The following SPOCD1 variants were observed in gnomAD, a reference collection of about 807,000 sequenced individuals.
The protein encoded by SPOCD1 is SPOC domain containing 1, also known as SPOC domain-containing protein 1.
SPOCD1 carries 64 observed loss-of-function variants against 92.2 expected under a neutral mutation model. The ratio of observed to expected loss-of-function variants is 0.69; its 90% confidence interval spans 0.57 to 0.86. The LOEUF (loss-of-function observed/expected upper bound fraction) is 0.86. Among genes scored for constraint, SPOCD1 ranks in the 40% least tolerant of loss-of-function variants. The pLI is 0.00. For missense variants in SPOCD1, 1,360 were observed against 1,543.1 expected (o/e 0.88, Z 1.99); for synonymous variants, 578 against 619.3 (o/e 0.93, Z 0.99).
intron 3 of SPOCD1, among the ~76,000 whole-genome samples, chr1:31,801,373 G>A (rs1648454146): frequency 6.6e-6 from 1 of 152,170 alleles, no homozygotes; most frequent in Non-Finnish European, 1.5e-5. Flanking sequence ...CATTTTAAGT[G>A]TGTTTCAATT....
intron 2 of SPOCD1, among the ~76,000 whole-genome samples, chr1:31,813,107 G>C (rs1488522060): frequency 1.3e-5 from 2 of 152,182 alleles, no homozygotes; most frequent in African/African-American, 4.8e-5. Context: ...CCAGCTATGT[G>C]AGCCTGGAGA....
chr1:31,791,217 C>T lies in SPOCD1; in HGVS notation c.3037G>A (p.Val1013Met). The T allele has an allele frequency of 6.2e-7, 1 of 1,602,466 alleles. No individual in the cohort carries two copies. Among genetic ancestry groups the T allele is most frequent in the Non-Finnish European group, 8.5e-7 (1 of 1,173,480 alleles). Residue 1013 changes from valine (V) to methionine (M), a missense_variant, in exon 16 of 16, where the codon GTG (valine) becomes ATG (methionine). This residue lies in a region of SPOCD1 where 614 missense variants were observed against 757.8 expected (regional missense o/e 0.81). Coordinates refer to ENST00000360482, the MANE Select transcript of SPOCD1 (RefSeq NM_144569.7). ...GGAAGCCCTTCCTTGGGGAGCAGCA[C>T]AGCCAGCAACAGACTTGAGTGAGTG... Reference protein sequence around the residue: ...EVTHSSLLLAVLLPKEGLPDT... With the variant: ...EVTHSSLLLAMLLPKEGLPDT...
intron 2 of SPOCD1, among the ~76,000 whole-genome samples, chr1:31,812,548 G>A (rs1649272485): frequency 6.6e-6 from 1 of 152,212 alleles, no homozygotes; most frequent in South Asian, 2.1e-4. Flanking sequence ...GATGCATAGT[G>A]GAAAACAGCT....
chr1:31,808,137 T>G (rs1648961242), intron 2 of SPOCD1, among the ~76,000 whole-genome samples: 1 of 152,136 alleles, frequency 6.6e-6, no homozygotes, highest in African/African-American at 2.4e-5. Flanking sequence ...CCACAATTCA[T>G]TCTATGAAGC....
intron 2 of SPOCD1, among the ~76,000 whole-genome samples, chr1:31,803,878 A>G (rs1648641053): frequency 6.6e-6 from 1 of 151,680 alleles, no homozygotes; most frequent in Non-Finnish European, 1.5e-5. Context: ...AGAAGGAAGG[A>G]AGGAAGAAAG....
intron 2 of SPOCD1, among the ~76,000 whole-genome samples, chr1:31,807,520 T>C (rs531767789): frequency 2.0e-4 from 30 of 149,602 alleles, no homozygotes; most frequent in Admixed American, 4.0e-4. Context: ...ATGATAAGAC[T>C]GTATGTTAAG....
chr1:31,790,841 T>C lies in SPOCD1; in HGVS notation c.3413A>G (p.His1138Arg). 2 of 1,540,712 alleles carry C rather than the reference T, an allele frequency of 1.3e-6. No homozygotes were observed. Among genetic ancestry groups the C allele is most frequent in the East Asian group, 4.7e-5 (2 of 42,268 alleles). Residue 1138 changes from histidine to arginine, a missense_variant, in exon 16 of 16, where the codon CAC becomes CGC. His to Arg is a conservative substitution (Grantham distance 29, BLOSUM62 0). This residue lies in a region of SPOCD1 where 614 missense variants were observed against 757.8 expected (regional missense o/e 0.81). Transcript: ENST00000360482. ...GTGGGGACAGGAGTCCCTGTGGAAG[T>C]GCTGGCCACGGCCAAAGCCATGACC... ...PAGHGFGRGQ[H>R]FHRDSCPHQA...
chr1:31,815,097 C>T lies in SPOCD1; in HGVS notation c.237G>A (p.Arg79=). The T allele has an allele frequency of 6.2e-7, 1 of 1,613,090 alleles. No individual in the cohort carries two copies. Among genetic ancestry groups the T allele is most frequent in the Non-Finnish European group, 8.5e-7 (1 of 1,179,506 alleles). ...CAGCTAGCAGCTCCAAGACCCCTGG[C>T]CGGACCTCAGCAGCACCTGCAGCCC... The part of the protein sequence containing the change: ...SSRAAGAAEV[R]PGVLELLAVV... The change falls in exon 2 of 16, where the codon CGG becomes CGA. Residue 79 remains arginine, a synonymous_variant. Transcript: ENST00000360482.
chr1:31,803,103 C>T (rs540368872), intron 2 of SPOCD1, among the ~76,000 whole-genome samples: 38 of 152,000 alleles, frequency 2.5e-4, no homozygotes, highest in Middle Eastern at 3.5e-3. Context: ...GTCCTAACGT[C>T]CATGTTATGA....
chr1:31,807,670 A>C (rs937509113), intron 2 of SPOCD1, among the ~76,000 whole-genome samples: 2 of 151,940 alleles, frequency 1.3e-5, no homozygotes, highest in Non-Finnish European at 2.9e-5. Flanking sequence ...AACTGAACGG[A>C]AGGTGACATT....
rs1247883213 is a variant in SPOCD1 at position 31,815,086 on chromosome 1, A to C, written c.248T>G (p.Leu83Trp). ...AGAAEVRPGV[L>W]ELLAVVQSRG... ...GCTCTGTACCACAGCTAGCAGCTCC[A>C]AGACCCCTGGCCGGACCTCAGCAGC... Residue 83 changes from leucine to tryptophan, a missense_variant, in exon 2 of 16, where the codon TTG (leucine) becomes TGG (tryptophan). Around this residue, in one of 3 missense-constraint regions of SPOCD1, gnomAD observed 140 missense variants for 183.8 expected, o/e 0.76. Coordinates refer to ENST00000360482, the MANE Select transcript of SPOCD1 (RefSeq NM_144569.7). 3.1e-6 allele frequency: 5 copies of C among 1,613,706 alleles called. No individual in the cohort carries two copies. The highest frequency in any genetic ancestry group is 4.2e-6 in the Non-Finnish European group (5 of 1,179,962).
chr1:31,815,220 C>T lies in SPOCD1; in HGVS notation c.114G>A (p.Leu38=). 2.5e-6 allele frequency: 4 copies of T among 1,607,564 alleles called. No individual in the cohort carries two copies. Among genetic ancestry groups the T allele is most frequent in the Non-Finnish European group, 3.4e-6 (4 of 1,175,080 alleles). The change falls in exon 2 of 16, where the codon CTG becomes CTA. Residue 38 remains leucine, a synonymous_variant. Transcript: ENST00000360482. ...NMEGASSMPG[L]SPDGPGASSG... ...AGCTTGCTCCCGGCCCATCTGGTGACAGGCCTGGCATGGAGCTGGCTCCTT... is the reference window on the plus strand; with the variant it reads ...AGCTTGCTCCCGGCCCATCTGGTGATAGGCCTGGCATGGAGCTGGCTCCTT...
rs1339165728 is a variant in SPOCD1, at chr1:31,791,278, A to C, written c.2976T>G (p.Leu992=). The C allele has an allele frequency of 1.3e-6, 2 of 1,536,836 alleles. No homozygotes were observed. The highest frequency in any genetic ancestry group is 2.8e-5 in the African/African-American group (2 of 72,384). ...RPLGGPGLWA[L]PVSPLLSPGL... Reference sequence around the variant, plus strand: ...CTGGGGAAAGGAGAGGGGAGACAGGAAGAGCCCAAAGGCCTGCGGGGAAGA... The same window carrying C: ...CTGGGGAAAGGAGAGGGGAGACAGGCAGAGCCCAAAGGCCTGCGGGGAAGA... The change falls in exon 16 of 16, where the codon CTT becomes CTG. Residue 992 remains leucine (L), a synonymous_variant. Coordinates refer to ENST00000360482, the MANE Select transcript of SPOCD1 (RefSeq NM_144569.7).
intron 2 of SPOCD1, among the ~76,000 whole-genome samples, chr1:31,803,628 C>T (rs967682836): frequency 2.6e-5 from 4 of 151,624 alleles, no homozygotes; most frequent in African/African-American, 4.8e-5. Context: ...GTAGTCCCAA[C>T]TACTCAGGAG....
chr1:31,808,154 A>G (rs1312928871), intron 2 of SPOCD1, among the ~76,000 whole-genome samples: 2 of 152,164 alleles, frequency 1.3e-5, no homozygotes, highest in Non-Finnish European at 2.9e-5. Flanking sequence ...AAGCTAGCAA[A>G]ACCCTGATAC....
intron 9 of SPOCD1, 113 bp from the exon 10 acceptor site, chr1:31,796,828 C>G (rs1648065995): frequency 1.3e-6 from 2 of 1,487,944 alleles, no homozygotes; most frequent in Non-Finnish European, 1.8e-6. Context: ...CCCCTCTCCT[C>G]AAAACTTTTA....
At chr1:31,809,822 T>C (rs1331312916) in intron 2 of SPOCD1, among the ~76,000 whole-genome samples, 1 of 152,110 alleles carries the variant, frequency 6.6e-6, no homozygotes, top group Non-Finnish European at 1.5e-5. Context: ...AGTTCCTTGG[T>C]CCCTGCCCTG....
At position 31,793,701 on chromosome 1, in the gene SPOCD1, C is replaced by T. The variant is rs377017103; in HGVS notation, c.2534+46G>A. 2.2e-5 allele frequency: 36 copies of T among 1,612,278 alleles called. No homozygotes were observed. The South Asian group carries it at 4.0e-4, about 18-fold the overall frequency. ...CTGTTGCACCAGGTGGTGGCCTCCCCCTCAACCCTGCTGGGTTATCCACCT... is the reference window on the plus strand; with the variant it reads ...CTGTTGCACCAGGTGGTGGCCTCCCTCTCAACCCTGCTGGGTTATCCACCT... On this transcript the variant is annotated intron_variant, in intron 12 of 15. Coordinates refer to ENST00000360482, the MANE Select transcript of SPOCD1 (RefSeq NM_144569.7).
Position 31,800,506 on chromosome 1 carries a change from G to C in SPOCD1, c.1537C>G (p.Pro513Ala), listed in dbSNP as rs931792021. 6.2e-7 allele frequency: 1 copy of C among 1,612,446 alleles called. No homozygotes were observed. Among genetic ancestry groups the C allele is most frequent in the African/African-American group, 1.3e-5 (1 of 74,926 alleles). ...CTTCTGAGCCTCTGGGCAGGTGAGG[G>C]TGAGCTGACCTCCATCAAGTCCTCT... ...VLEDLMEVSSPSPAQRLRRKK... is the reference protein window; with the variant it reads ...VLEDLMEVSSASPAQRLRRKK... Residue 513 changes from proline to alanine, a missense_variant, in exon 4 of 16, where the codon CCC becomes GCC. Transcript: ENST00000360482.
Sources: allele counts gnomAD v4.1 joint callset (sites outside exome capture counted in the v4.1 genomes callset), GRCh38; gene constraint gnomAD v4.1.1; regional missense constraint gnomAD v4.1.1; transcripts MANE v1.5; gene names NCBI Gene and HGNC (gene_info 2026-07-23, HGNC 2026-07-21).